Variants in ADGRL2 observed in about 807,000 individuals in gnomAD.
ADGRL2 encodes adhesion G protein-coupled receptor L2, also known as calcium-independent alpha-latrotoxin receptor 2.
A neutral mutation model predicts 157.4 loss-of-function variants in ADGRL2; 44 were observed. The observed-to-expected ratio is 0.28, with a 90% CI of 0.22 to 0.36. ADGRL2 has a LOEUF of 0.36. Among genes scored for constraint, ADGRL2 ranks in the 10% least tolerant of loss-of-function variants. The pLI is 1.00. For synonymous variants in ADGRL2, 585 were observed against 624.7 expected (o/e 0.94, Z 0.95); for missense variants, 1,510 against 1,768.9 (o/e 0.85, Z 2.63).
intron 1 of ADGRL2, among the ~76,000 whole-genome samples, chr1:81,372,120 T>C (rs978557349): frequency 1.3e-5 from 2 of 152,154 alleles, no homozygotes; most frequent in African/African-American, 4.8e-5. Flanking sequence ...TCATGTGAAA[T>C]AGGAGGTCAT....
chr1:81,955,622 T>C lies in ADGRL2; in HGVS notation c.1834-255T>C, dbSNP rs1388465364. ...AACAATTGAGGTGTGATTAAATAAA[T>C]AGAAACAATCCACCTTCTACACTTA... is the stretch of plus-strand genomic sequence containing the variant. On this transcript the variant is annotated intron_variant, in intron 10 of 23. Transcript: ENST00000686636. The C allele has an allele frequency of 4.2e-5, 13 of 306,106 alleles. No individual in the cohort carries two copies. The East Asian group carries it at 6.3e-4, about 15-fold the overall frequency. The allele number at this position is 306,106 out of a possible 1,614,324, so 19.0% of individuals were successfully genotyped here.
At chr1:81,780,338 G>A (rs1219246231) in intron 2 of ADGRL2, among the ~76,000 whole-genome samples, 2 of 152,094 alleles carry the variant, frequency 1.3e-5, no homozygotes, top group Non-Finnish European at 2.9e-5. Context: ...GAAAGCTTTG[G>A]GATGGAAGGT....
intron 2 of ADGRL2, among the ~76,000 whole-genome samples, chr1:81,455,494 G>T (rs904687295): frequency 1.3e-5 from 2 of 152,082 alleles, no homozygotes; most frequent in South Asian, 2.1e-4. Context: ...CAGAAATCCC[G>T]GTACTGAGCT....
Position 81,490,040 on chromosome 1 carries a change from T to G in ADGRL2, c.-248+44951T>G, listed in dbSNP as rs906693682. On this transcript the variant is annotated intron_variant, in intron 2 of 24. Coordinates refer to the ADGRL2 transcript ENST00000370721. ...AGAAATATCTCAATAAAGGTAAATATGTGGTCAATTATAAAAGCTAATATT... is the reference window on the plus strand; with the variant it reads ...AGAAATATCTCAATAAAGGTAAATAGGTGGTCAATTATAAAAGCTAATATT... Among the ~76,000 whole-genome samples the G allele has an allele frequency of 5.0e-4, 76 of 152,112 alleles. 1 individual carries two copies. Among genetic ancestry groups the G allele is most frequent in the African/African-American group, 1.8e-3 (73 of 41,482 alleles).
rs141918220 is a variant in ADGRL2 at position 81,966,433 on chromosome 1, C to T, written c.2173C>T (p.Arg725Trp). 7.4e-6 allele frequency: 12 copies of T among 1,613,940 alleles called. No homozygotes were observed. In the East Asian group the frequency reaches 8.9e-5, roughly 12 times the overall value. ...TGCAAAGTTGGTGTTCATCATTTAC[C>T]GGAGCCTGGGACAGTTCCTTAGTAC... ...GLAKLVFIIY[R>W]SLGQFLSTEN... Residue 725 changes from arginine (R) to tryptophan (W), a missense_variant, in exon 13 of 24, where the codon CGG (arginine) becomes TGG (tryptophan). Arg to Trp is a moderately radical substitution (Grantham distance 101). Around this residue, in one of 4 missense-constraint regions of ADGRL2, gnomAD observed 497 missense variants for 627.2 expected, o/e 0.79. Transcript: ENST00000686636.
At chr1:81,797,014 C>A (rs1034634046), upstream of ADGRL2, among the ~76,000 whole-genome samples, 7 of 152,090 alleles carry the variant, frequency 4.6e-5, no homozygotes, top group Admixed American at 4.6e-4. Context: ...CATGGCAAGG[C>A]AAAAATTGAA....
intron 17 of ADGRL2, 101 bp downstream of exon 17, chr1:81,972,019 A>G: frequency 1.6e-6 from 1 of 609,260 alleles, no homozygotes. Flanking sequence ...TATCTATACA[A>G]AGATTTATAA....
At chr1:81,926,542 C>G (rs2095110729) in intron 3 of ADGRL2, among the ~76,000 whole-genome samples, 1 of 151,964 alleles carries the variant, frequency 6.6e-6, no homozygotes, top group African/African-American at 2.4e-5. Flanking sequence ...CAAGTGCAAA[C>G]TGCAGTAGGT....
chr1:81,749,755 T>A (rs2085427244), intron 1 of ADGRL2, among the ~76,000 whole-genome samples: 1 of 152,182 alleles, frequency 6.6e-6, no homozygotes, highest in Non-Finnish European at 1.5e-5. Context: ...CTTTTTTAGG[T>A]TCATAATTTT....
At chr1:81,705,323 G>T (rs142324261) in intron 1 of ADGRL2, among the ~76,000 whole-genome samples, 41 of 152,206 alleles carry the variant, frequency 2.7e-4, no homozygotes, top group African/African-American at 9.6e-4. Flanking sequence ...GAGCCACCAC[G>T]CCCAGCCCTG....
intron 1 of ADGRL2, among the ~76,000 whole-genome samples, chr1:81,744,773 C>T (rs2085188950): frequency 6.6e-6 from 1 of 152,110 alleles, no homozygotes; most frequent in Non-Finnish European, 1.5e-5. Context: ...AACTGGATGT[C>T]CGTATTTAGG....
At chr1:81,595,628 A>G (rs1318983274) in intron 3 of ADGRL2, among the ~76,000 whole-genome samples, 1 of 152,236 alleles carries the variant, frequency 6.6e-6, no homozygotes, top group Non-Finnish European at 1.5e-5. Flanking sequence ...GAAAATTACA[A>G]TGTCACAAAA....
intron 1 of ADGRL2, among the ~76,000 whole-genome samples, chr1:81,808,089 A>G (rs191068764): frequency 2.3e-4 from 35 of 152,122 alleles, no homozygotes; most frequent in Admixed American, 5.2e-4. Context: ...GCAAAATACT[A>G]TTGATTGGTT....
At chr1:81,700,587 TC>T (rs2083545939) in intron 1 of ADGRL2, among the ~76,000 whole-genome samples, 3 of 152,216 alleles carry the variant, frequency 2.0e-5, no homozygotes, top group Admixed American at 6.5e-5. Flanking sequence ...TAAGCTCTAA[TC>T]AAGTGCGTGG....
At chr1:81,384,225 T>C (rs141605542) in intron 1 of ADGRL2, among the ~76,000 whole-genome samples, 50 of 152,320 alleles carry the variant, frequency 3.3e-4, no homozygotes, top group South Asian at 6.2e-4. Flanking sequence ...TAATGGCATG[T>C]TATGCAGCCC....
intron 2 of ADGRL2, among the ~76,000 whole-genome samples, chr1:81,765,302 C>T (rs532175224): frequency 2.6e-5 from 4 of 151,900 alleles, no homozygotes; most frequent in Non-Finnish European, 5.9e-5. Flanking sequence ...ACTCGGTAAA[C>T]TCTTTAGTCC....
chr1:81,800,955 G>C lies in ADGRL2; in HGVS notation c.-214G>C, dbSNP rs2149464875. Among the ~76,000 whole-genome samples the C allele has an allele frequency of 6.7e-6, 1 of 149,284 alleles. No homozygotes were observed. The highest frequency in any genetic ancestry group is 2.4e-5 in the African/African-American group (1 of 41,158). Reference sequence around the variant, plus strand: ...CCACGGCCGTGCGCGCGCGTCCCTCGCCGCCACCGCCGCCCGGACAGCCCT... The same window carrying C: ...CCACGGCCGTGCGCGCGCGTCCCTCCCCGCCACCGCCGCCCGGACAGCCCT... On this transcript the variant is annotated 5_prime_UTR_variant, in exon 1 of 24. Coordinates refer to ENST00000686636, the MANE Select transcript of ADGRL2 (RefSeq NM_001366006.2).
intron 2 of ADGRL2, among the ~76,000 whole-genome samples, chr1:81,534,280 G>T (rs1400437384): frequency 6.6e-6 from 1 of 152,066 alleles, no homozygotes; most frequent in Non-Finnish European, 1.5e-5. Context: ...TCCTGCTTCA[G>T]CCTCCCAAAT....
chr1:81,608,068 T>G (rs2148660000), intron 3 of ADGRL2, among the ~76,000 whole-genome samples: 1 of 152,300 alleles, frequency 6.6e-6, no homozygotes, highest in African/African-American at 2.4e-5. Flanking sequence ...TTTAAAAGGA[T>G]GTAGTAAGTG....
Sources: allele counts gnomAD v4.1 joint callset (sites outside exome capture counted in the v4.1 genomes callset), GRCh38; gene constraint gnomAD v4.1.1; regional missense constraint gnomAD v4.1.1; transcripts MANE v1.5; gene names NCBI Gene and HGNC (gene_info 2026-07-23, HGNC 2026-07-21).